ABCB7: variants seen among roughly 807,000 people sequenced by gnomAD.
The protein encoded by ABCB7 is iron-sulfur clusters transporter ABCB7, mitochondrial.
ABCB7 carries 7 observed loss-of-function variants against 54.4 expected under a neutral mutation model. That is an observed-to-expected ratio of 0.13 (90% CI 0.07 to 0.24). The LOEUF is 0.24. Among genes scored for constraint, ABCB7 ranks in the 10% least tolerant of loss-of-function variants. ABCB7 has a pLI of 1.00. For missense variants in ABCB7, 356 were observed against 570.4 expected, an observed-to-expected ratio of 0.62 and a Z score of 3.83; for synonymous variants, 218 against 207.1, an observed-to-expected ratio of 1.05 and a Z score of -0.45.
At chrX:75,089,036 T>C (rs2081524092) in intron 4 of ABCB7, among the ~76,000 whole-genome samples, 1 of 110,915 alleles carries the variant, frequency 9.0e-6, no homozygotes, top group African/African-American at 3.3e-5. Context: ...ATGAAATATT[T>C]AAACTGTTGA....
At chrX:75,107,963 G>A (rs1264919648) in intron 3 of ABCB7, among the ~76,000 whole-genome samples, 3 of 108,127 alleles carry the variant, frequency 2.8e-5, no homozygotes, top group African/African-American at 1.0e-4. Flanking sequence ...CCAGAAGGGG[G>A]CCCACTGCCC....
At chrX:75,120,786 C>G (rs147574261) in intron 1 of ABCB7, among the ~76,000 whole-genome samples, 3,132 of 110,234 alleles carry the variant, frequency 0.028, 113 homozygotes, top group African/African-American at 0.1. Context: ...TGTCTACACA[C>G]TTCCTGTGCA....
chrX:75,121,288 C>CA (rs34049274), intron 1 of ABCB7, among the ~76,000 whole-genome samples: 480 of 38,796 alleles, frequency 0.012, 4 homozygotes, highest in East Asian at 0.026. Context: ...GACTCTGTCT[C>CA]AAAAAAAAAA....
Position 75,075,346 on chromosome X carries a change from A to C in ABCB7, c.855+16T>G, listed in dbSNP as rs202083270. 7.7e-5 allele frequency: 93 copies of C among 1,205,047 alleles called. No homozygotes were observed. The highest frequency in any genetic ancestry group is 1.0e-4 in the Non-Finnish European group (93 of 891,499). ...AATTTAAGATAAAAGCTTGTTATGA[A>C]AAATGTTTAACTTACCAAAACACCA... On this transcript the variant is annotated intron_variant, in intron 6 of 15. Transcript: ENST00000373394.
At chrX:75,135,080 A>T (rs1036870834) in intron 1 of ABCB7, among the ~76,000 whole-genome samples, 7 of 110,234 alleles carry the variant, frequency 6.4e-5, no homozygotes, top group African/African-American at 2.3e-4. Flanking sequence ...CACTATCTAG[A>T]CTAATAAAGA....
chrX:75,069,419 T>C lies in ABCB7; in HGVS notation c.1401A>G (p.Pro467=). The change falls in exon 11 of 16, where the codon CCA becomes CCG. Residue 467 remains proline (P), a synonymous_variant. Transcript: ENST00000373394. ...TATCAAAGGCCACGGTAGCTGTCTG[T>C]GGTGTGATCTGAAGGGGAGATGCCA... ...KVMASPLQIT[P]QTATVAFDNV... 8.3e-7 allele frequency: 1 copy of C among 1,210,327 alleles called. No homozygotes were observed. The highest frequency in any genetic ancestry group is 1.8e-5 in the South Asian group (1 of 56,912).
chrX:75,134,037 G>A (rs1162914871), intron 1 of ABCB7, among the ~76,000 whole-genome samples: 1 of 111,892 alleles, frequency 8.9e-6, no homozygotes, highest in Non-Finnish European at 1.9e-5. Context: ...GGCAAACAGT[G>A]GCAAGTTGCA....
Position 75,067,039 on chromosome X carries a change from T to G in ABCB7, c.1660-1798A>C, listed in dbSNP as rs549259866. 4.5e-5 allele frequency among the ~76,000 whole-genome samples: 5 copies of G among 111,658 alleles called. No homozygotes were observed. In the South Asian group the frequency reaches 1.9e-3, roughly 42 times the overall value. ...CTCTGTTTATTTCCTTACTAAAATT[T>G]CCTAGAAGCAGAATTATTGGAATAA... is the stretch of plus-strand genomic sequence containing the variant. On this transcript the variant is annotated intron_variant, in intron 12 of 15. Coordinates refer to ENST00000373394, the MANE Select transcript of ABCB7 (RefSeq NM_001271696.3).
In ABCB7 at chrX:75,071,614, A is replaced by G. The variant is rs962282106; in HGVS notation, c.1102T>C (p.Leu368=). 1 of 1,208,680 alleles carries G rather than the reference A, an allele frequency of 8.3e-7. No individual in the cohort carries two copies. The highest frequency in any genetic ancestry group is 1.1e-6 in the Non-Finnish European group (1 of 892,751). ...GFLKTYETAS[L]KSTSTLAMLN... is the part of the protein sequence containing the mutation. ...ATAGCCAGAGTAGAGGTACTTTTCAATGAAGCAGTCTCATACGTCTTCAAA... is the reference window on the plus strand; with the variant it reads ...ATAGCCAGAGTAGAGGTACTTTTCAGTGAAGCAGTCTCATACGTCTTCAAA... The change falls in exon 9 of 16, where the codon TTG becomes CTG. Residue 368 remains leucine (L), a synonymous_variant. Transcript: ENST00000373394.
chrX:75,096,880 T>G (rs995930472), intron 4 of ABCB7, among the ~76,000 whole-genome samples: 1 of 110,997 alleles, frequency 9.0e-6, no homozygotes, highest in Admixed American at 9.6e-5. Flanking sequence ...TTCCTCCATG[T>G]TGCAATTTCT....
At chrX:75,149,993 G>A (rs1344663039) in intron 1 of ABCB7, among the ~76,000 whole-genome samples, 1 of 111,464 alleles carries the variant, frequency 9.0e-6, no homozygotes, top group African/African-American at 3.3e-5. Context: ...CTAGTTAGGT[G>A]GAAATTTTTA....
intron 3 of ABCB7, 137 bp downstream of exon 3, chrX:75,112,749 T>TA (rs1234143234): frequency 1.1e-4 from 42 of 382,352 alleles, no homozygotes; most frequent in African/African-American, 9.0e-4. Flanking sequence ...TCAATTAATA[T>TA]GTTTTTTTTT....
At chrX:75,115,793 G>T (rs753813110) in intron 1 of ABCB7, among the ~76,000 whole-genome samples, 36 of 107,405 alleles carry the variant, frequency 3.4e-4, no homozygotes, top group South Asian at 8.6e-4. Context: ...TGTTGGGGGG[G>T]GGGGCACGGG....
chrX:75,114,852 T>G (rs4148837), intron 1 of ABCB7, 21 bp from the exon 2 acceptor site: 6 of 1,150,081 alleles, frequency 5.2e-6, no homozygotes, highest in Non-Finnish European at 7.1e-6. Flanking sequence ...GGAAAAAAAG[T>G]AGGGGGAAGT....
chrX:75,155,384 A>G (rs1039650305), intron 1 of ABCB7, among the ~76,000 whole-genome samples: 4 of 112,892 alleles, frequency 3.5e-5, no homozygotes, highest in Non-Finnish European at 5.6e-5. Flanking sequence ...GTTAAGTACA[A>G]ATAATTTTTT....
intron 4 of ABCB7, among the ~76,000 whole-genome samples, chrX:75,089,175 G>T (rs936369669): frequency 5.4e-5 from 6 of 111,681 alleles, no homozygotes; most frequent in African/African-American, 1.9e-4. Context: ...GATCTTGCAA[G>T]AATTGTTTTT....
chrX:75,077,182 A>T (rs1347091349), intron 4 of ABCB7, among the ~76,000 whole-genome samples: 1 of 112,175 alleles, frequency 8.9e-6, no homozygotes, highest in East Asian at 2.8e-4. Flanking sequence ...GCCAGATCAC[A>T]AAAGCAGATG....
chrX:75,080,360 A>G (rs1440004026), intron 4 of ABCB7, among the ~76,000 whole-genome samples: 1 of 111,907 alleles, frequency 8.9e-6, no homozygotes, highest in Non-Finnish European at 1.9e-5. Flanking sequence ...GAAGGAGTGC[A>G]GTGGCATGAT....
rs1569220616 is a variant in ABCB7, at chrX:75,071,687, CA to C, written c.1033-5del. On this transcript the variant is annotated splice_polypyrimidine_tract_variant and splice_region_variant and intron_variant, in intron 8 of 15. Coordinates refer to ENST00000373394, the MANE Select transcript of ABCB7 (RefSeq NM_001271696.3). The stretch of plus-strand genomic sequence containing the variant: ...CATATCTTTCATTATTAAAATACTA[CA>C]AAATATATAAAAATAACTATAGGCA... 7 of 1,100,963 alleles carry C rather than the reference CA, an allele frequency of 6.4e-6. No homozygotes were observed. Among genetic ancestry groups the C allele is most frequent in the Non-Finnish European group, 8.7e-6 (7 of 808,259 alleles). The allele number at this position is 1,100,963 out of a possible 1,213,427, so 90.7% of individuals were successfully genotyped here.
Sources: allele counts gnomAD v4.1 joint callset (sites outside exome capture counted in the v4.1 genomes callset), GRCh38; gene constraint gnomAD v4.1.1; transcripts MANE v1.5; gene names NCBI Gene and HGNC (gene_info 2026-07-23, HGNC 2026-07-21).